WDPCP: variants seen among roughly 807,000 people sequenced by gnomAD.
WDPCP encodes the protein WD repeat-containing and planar cell polarity effector protein fritz homolog.
In WDPCP, 71 loss-of-function variants were observed where a neutral mutation model predicts 93.1. That is an observed-to-expected ratio of 0.76 (90% CI 0.63 to 0.93). WDPCP has a LOEUF of 0.93. Ranked by LOEUF, WDPCP falls within the 40% of genes least tolerant of loss-of-function variation. The probability of loss-of-function intolerance (pLI) is 0.00; values close to 1 mark genes in which losing one functional copy is unlikely to be tolerated. For synonymous variants in WDPCP, 315 were observed against 315.0 expected (o/e 1.00, Z 0.00); for missense variants, 844 against 887.4 (o/e 0.95, Z 0.62).
chr2:63,726,930 T>C (rs1009890199), intron 2 of WDPCP, among the ~76,000 whole-genome samples: 1 of 152,162 alleles, frequency 6.6e-6, no homozygotes, highest in Non-Finnish European at 1.5e-5. Flanking sequence ...GTTTATCAGA[T>C]CTAGGAAAGT....
At chr2:63,397,360 A>T (rs951335648) in intron 10 of WDPCP, among the ~76,000 whole-genome samples, 1 of 152,138 alleles carries the variant, frequency 6.6e-6, no homozygotes, top group Non-Finnish European at 1.5e-5. Context: ...TCTGGAGAGA[A>T]AAAAGATGAC....
intron 14 of WDPCP, chr2:63,229,959 A>C (rs1678689247): frequency 1.3e-5 from 2 of 152,756 alleles, no homozygotes; most frequent in African/African-American, 4.8e-5. Flanking sequence ...ATTATACTTT[A>C]AGTTCTAGGG....
chr2:63,230,335 T>C (rs1180148128), intron 14 of WDPCP, among the ~76,000 whole-genome samples: 9 of 152,220 alleles, frequency 5.9e-5, no homozygotes, highest in African/African-American at 1.4e-4. Context: ...CAGTCTATCA[T>C]TGATGGACAT....
chr2:63,373,627 A>G (rs1165107716), intron 12 of WDPCP, among the ~76,000 whole-genome samples: 2 of 151,692 alleles, frequency 1.3e-5, no homozygotes, highest in African/African-American at 4.8e-5. Context: ...TACATTAACA[A>G]TGATTATTGA....
At chr2:63,252,040 A>G (rs1559248617) in intron 14 of WDPCP, among the ~76,000 whole-genome samples, 1 of 152,150 alleles carries the variant, frequency 6.6e-6, no homozygotes, top group African/African-American at 2.4e-5. Flanking sequence ...ATCCTCAACA[A>G]AATTCTAACA....
intron 3 of WDPCP, among the ~76,000 whole-genome samples, chr2:63,612,433 G>A (rs1558866392): frequency 6.6e-6 from 1 of 152,284 alleles, no homozygotes; most frequent in East Asian, 1.9e-4. Context: ...AGATTCAACA[G>A]ATACAGAAGC....
At chr2:63,384,040 C>T (rs1034733208) in intron 10 of WDPCP, among the ~76,000 whole-genome samples, 4 of 151,708 alleles carry the variant, frequency 2.6e-5, no homozygotes, top group African/African-American at 9.7e-5. Context: ...CTGGAAAATC[C>T]CCAAATATTT....
intron 9 of WDPCP, among the ~76,000 whole-genome samples, chr2:63,412,481 G>A (rs1486637446): frequency 1.3e-5 from 2 of 152,106 alleles, no homozygotes; most frequent in African/African-American, 2.4e-5. Flanking sequence ...AGACAAGGAT[G>A]CCCACTCTCA....
At chr2:63,338,893 T>C (rs962258384) in intron 12 of WDPCP, among the ~76,000 whole-genome samples, 1 of 151,574 alleles carries the variant, frequency 6.6e-6, no homozygotes, top group Non-Finnish European at 1.5e-5. Flanking sequence ...AATTTTATAG[T>C]TTTTTTTCTA....
At chr2:63,179,667 G>C (rs914368959) in intron 14 of WDPCP, among the ~76,000 whole-genome samples, 1 of 151,884 alleles carries the variant, frequency 6.6e-6, no homozygotes, top group Non-Finnish European at 1.5e-5. Flanking sequence ...TTCCTTTATA[G>C]CAATCCAAGA....
chr2:63,770,875 C>T lies in WDPCP; in HGVS notation n.308+42747G>A, dbSNP rs549244508. On this transcript the variant is annotated intron_variant and non_coding_transcript_variant, in intron 2 of 4. Coordinates refer to the WDPCP transcript ENST00000467687. Reference sequence around the variant, plus strand: ...ATTAAAAGAGATTTAAAATGTAAAACGATGTCACTCTTCCCAATTTCTTGT... The same window carrying T: ...ATTAAAAGAGATTTAAAATGTAAAATGATGTCACTCTTCCCAATTTCTTGT... Among the ~76,000 whole-genome samples the T allele has an allele frequency of 2.0e-5, 3 of 151,856 alleles. No individual in the cohort carries two copies. The East Asian group carries it at 5.8e-4, about 29-fold the overall frequency.
chr2:63,656,063 G>A (rs186016137), intron 2 of WDPCP, among the ~76,000 whole-genome samples: 14 of 152,298 alleles, frequency 9.2e-5, no homozygotes, highest in African/African-American at 3.4e-4. Context: ...CTCTTTGCAA[G>A]CCCTGTGGGG....
intron 14 of WDPCP, among the ~76,000 whole-genome samples, chr2:63,209,114 T>C (rs542408303): frequency 2.0e-5 from 3 of 152,354 alleles, no homozygotes; most frequent in African/African-American, 7.2e-5. Context: ...AGAGTAGTGA[T>C]ATATTTCACA....
chr2:63,455,092 T>A (rs1289419081), intron 6 of WDPCP, among the ~76,000 whole-genome samples: 3 of 151,674 alleles, frequency 2.0e-5, no homozygotes, highest in African/African-American at 7.3e-5. Flanking sequence ...ATTCCCATCA[T>A]CAAAACACAT....
At chr2:63,597,557 G>A (rs754634638) in intron 3 of WDPCP, 9 of 1,419,998 alleles carry the variant, frequency 6.3e-6, no homozygotes, top group East Asian at 2.7e-5. Flanking sequence ...AGATAAATAC[G>A]CCAAGAAGTC....
intron 2 of WDPCP, among the ~76,000 whole-genome samples, chr2:63,682,293 T>C (rs2103636053): frequency 6.6e-6 from 1 of 152,170 alleles, no homozygotes; most frequent in Admixed American, 6.5e-5. Flanking sequence ...CAAGATAACA[T>C]AGAGAAGGAA....
intron 14 of WDPCP, among the ~76,000 whole-genome samples, chr2:63,214,997 T>A (rs1170497613): frequency 6.6e-6 from 1 of 152,236 alleles, no homozygotes; most frequent in East Asian, 1.9e-4. Flanking sequence ...TGGAAGAACA[T>A]TCCATGCTCA....
At chr2:63,651,470 C>CACACACACAT (rs374360770) in intron 2 of WDPCP, among the ~76,000 whole-genome samples, 9,782 of 151,812 alleles carry the variant, frequency 0.064, 945 homozygotes, top group African/African-American at 0.21. Context: ...CACACACACA[C>CACACACACAT]ACAGAGAGAC....
chr2:63,277,717 A>G (rs970625730), intron 13 of WDPCP, among the ~76,000 whole-genome samples: 4 of 152,236 alleles, frequency 2.6e-5, no homozygotes, highest in Non-Finnish European at 4.4e-5. Context: ...AATCTTAAAT[A>G]TATAAGCACC....
Sources: gnomAD v4.1 joint callset for allele counts (sites outside exome capture counted in the v4.1 genomes callset) on GRCh38, gnomAD v4.1.1 for gene constraint, MANE v1.5 for transcripts, NCBI Gene and HGNC (gene_info 2026-07-23, HGNC 2026-07-21) for gene names.